Variants in BAIAP2L2 observed in about 807,000 individuals in gnomAD.
The protein encoded by BAIAP2L2 is BAR/IMD domain-containing adapter protein 2-like 2.
Under a neutral mutation model 60.4 loss-of-function variants are expected in BAIAP2L2, and 65 were observed. The ratio of observed to expected loss-of-function variants is 1.08; its 90% CI spans 0.88 to 1.32. The LOEUF (loss-of-function observed/expected upper bound fraction) is 1.32, where lower values mean the gene tolerates loss of function less well. Ranked by LOEUF, BAIAP2L2 falls within the 40% of genes most tolerant of loss-of-function variation. BAIAP2L2 has a pLI of 0.00. For synonymous variants in BAIAP2L2, 344 were observed against 301.7 expected (o/e 1.14, Z -1.45); for missense variants, 836 against 741.2 (o/e 1.13, Z -1.48).
At chr22:38,099,760 C>T (rs547074124) in intron 4 of BAIAP2L2, among the ~76,000 whole-genome samples, 1 of 152,174 alleles carries the variant, frequency 6.6e-6, no homozygotes, top group African/African-American at 2.4e-5. Flanking sequence ...GCGGACACGT[C>T]CTCCTCTGGA....
chr22:38,108,182 G>A (rs538371649), intron 3 of BAIAP2L2, 73 bp downstream of exon 3: 29 of 1,407,496 alleles, frequency 2.1e-5, no homozygotes, highest in South Asian at 8.6e-5. Context: ...TCAGGGACTC[G>A]GGACATCCTG....
At chr22:38,110,742 C>A, upstream of BAIAP2L2, 2 of 536,404 alleles carry the variant, frequency 3.7e-6, no homozygotes, top group East Asian at 3.3e-5. Context: ...TAACCAGATC[C>A]GGCAGGGAAG....
chr22:38,108,124 G>A (rs2086704825), intron 3 of BAIAP2L2, 131 bp downstream of exon 3: 1 of 1,007,906 alleles, frequency 9.9e-7, no homozygotes, highest in Non-Finnish European at 1.5e-6. Context: ...GGGAGCCTGG[G>A]CCCCAGAACA....
At chr22:38,110,091 G>GAGAC (rs2086788468) in intron 1 of BAIAP2L2, among the ~76,000 whole-genome samples, 1 of 5,008 alleles carries the variant, frequency 2.0e-4, no homozygotes, top group African/African-American at 5.3e-4. Flanking sequence ...GACAGAGAGA[G>GAGAC]AGAGAGACAG....
Position 38,089,616 on chromosome 22 carries a change from C to T in BAIAP2L2, c.671G>A (p.Arg224His). 7.3e-6 allele frequency: 9 copies of T among 1,233,818 alleles called. No homozygotes were observed. Among genetic ancestry groups the T allele is most frequent in the Admixed American group, 4.2e-5 (1 of 23,658 alleles). The allele number at this position is 1,233,818 out of a possible 1,614,324, so 76.4% of individuals were successfully genotyped here. ...GGGGGAGTGGGCGCGCGACGGGCTG[C>T]GGCTGGCCTCAGACTGCTCCTTCCA... is the stretch of plus-strand genomic sequence containing the variant. ...LLWKEQSEASRSPSRAHSPGL... is the reference protein window; with the variant it reads ...LLWKEQSEASHSPSRAHSPGL... The change falls in exon 8 of 14, where the codon CGC becomes CAC. Residue 224 changes from arginine to histidine, a missense_variant. Coordinates refer to ENST00000381669, the MANE Select transcript of BAIAP2L2 (RefSeq NM_025045.6).
chr22:38,104,496 C>CTT (rs35517234), intron 4 of BAIAP2L2, among the ~76,000 whole-genome samples: 20 of 137,418 alleles, frequency 1.5e-4, no homozygotes, highest in South Asian at 4.7e-4. Flanking sequence ...ACTCAAATTT[C>CTT]TTTTTTTTTT....
At chr22:38,110,892 C>T (rs1024371714), upstream of BAIAP2L2, among the ~76,000 whole-genome samples, 10 of 152,172 alleles carry the variant, frequency 6.6e-5, no homozygotes, top group Non-Finnish European at 1.5e-5. Flanking sequence ...TGGGGGGCCC[C>T]GCCCTCCCAC....
intron 7 of BAIAP2L2, 71 bp from the exon 8 acceptor site, chr22:38,089,745 AC>A (rs1382587710): frequency 1.7e-6 from 2 of 1,202,148 alleles, no homozygotes; most frequent in Non-Finnish European, 2.1e-6. Flanking sequence ...CCAAAATGAC[AC>A]CCTCGACCTG....
At chr22:38,102,216 G>A (rs925304399) in intron 4 of BAIAP2L2, among the ~76,000 whole-genome samples, 14 of 152,184 alleles carry the variant, frequency 9.2e-5, no homozygotes, top group African/African-American at 3.4e-4. Flanking sequence ...CCTCTAGGAA[G>A]TCTTGAAACT....
At chr22:38,098,240 C>G in intron 5 of BAIAP2L2, 61 bp from the exon 6 acceptor site, 1 of 1,565,378 alleles carries the variant, frequency 6.4e-7, no homozygotes, top group Non-Finnish European at 8.8e-7. Context: ...CAAGACACCC[C>G]TCCCAGAGAT....
chr22:38,109,117 C>A lies in BAIAP2L2; in HGVS notation c.127+16G>T. 1.9e-6 allele frequency: 3 copies of A among 1,605,804 alleles called. No homozygotes were observed. Among genetic ancestry groups the A allele is most frequent in the Non-Finnish European group, 2.6e-6 (3 of 1,174,488 alleles). ...AGGCCCAGGGCTGGGGCTCGGTGGC[C>A]CGGGCAGGCACTCACCGTGGAAGGC... On this transcript the variant is annotated intron_variant, in intron 2 of 13. Transcript: ENST00000381669.
intron 12 of BAIAP2L2, 115 bp downstream of exon 12, chr22:38,086,127 G>T: frequency 8.5e-7 from 1 of 1,181,146 alleles, no homozygotes; most frequent in Non-Finnish European, 1.2e-6. Flanking sequence ...AACAGACTGA[G>T]TGAGGCCAGG....
intron 1 of BAIAP2L2, 142 bp downstream of exon 1, chr22:38,110,333 C>T (rs2086816365): frequency 1.2e-6 from 1 of 824,270 alleles, no homozygotes; most frequent in African/African-American, 1.7e-5. Flanking sequence ...ACCCCCGTAC[C>T]CACCCCTGGC....
In BAIAP2L2 at chr22:38,089,101, G is replaced by C; in HGVS notation, c.896C>G (p.Ser299Trp). ...PDRRSLPRTP[S>W]ASSLYSGSAQ... ...CCCGGGGCGGGGGCACTCACAGGCC[G>C]ACGGCGTGCGGGGCAGGGAGCGACG... Residue 299 changes from serine to tryptophan, a missense_variant, in exon 9 of 14, where the codon TCG becomes TGG. Coordinates refer to ENST00000381669, the MANE Select transcript of BAIAP2L2 (RefSeq NM_025045.6). 7.3e-7 allele frequency: 1 copy of C among 1,377,348 alleles called. No individual in the cohort carries two copies. Among genetic ancestry groups the C allele is most frequent in the Non-Finnish European group, 9.3e-7 (1 of 1,071,680 alleles). 85.3% of individuals were successfully genotyped at this position (1,377,348 alleles called of 1,614,324 possible). A position where few individuals can be genotyped will look rare whatever the true frequency, so the allele number is the denominator to read the frequency against.
At position 38,088,825 on chromosome 22, in the gene BAIAP2L2, G is replaced by A. The variant is rs757355982; in HGVS notation, c.1041C>T (p.Ser347=). 3.7e-6 allele frequency: 6 copies of A among 1,600,536 alleles called. No individual in the cohort carries two copies. Among genetic ancestry groups the A allele is most frequent in the East Asian group, 2.2e-5 (1 of 44,858 alleles). ...EGANHTLLRF[S]AGDVVEVLVP... Reference sequence around the variant, plus strand: ...CCAACACCTCCACCACGTCCCCAGCGGAGAAGCGCAGCAGCGTGTGGTTGG... The same window carrying A: ...CCAACACCTCCACCACGTCCCCAGCAGAGAAGCGCAGCAGCGTGTGGTTGG... Residue 347 remains serine (S), a synonymous_variant, in exon 10 of 14, where the codon TCC becomes TCT. Transcript: ENST00000381669.
intron 1 of BAIAP2L2, among the ~76,000 whole-genome samples, chr22:38,109,597 C>G (rs553897694): frequency 6.6e-6 from 1 of 152,296 alleles, no homozygotes; most frequent in Admixed American, 6.5e-5. Context: ...CAGGCCTTGC[C>G]GGGCTACACG....
chr22:38,089,730 G>A (rs2086234986), intron 7 of BAIAP2L2, 56 bp from the exon 8 acceptor site: 2 of 1,221,494 alleles, frequency 1.6e-6, no homozygotes, highest in Admixed American at 4.3e-5. Flanking sequence ...CTGAATCCTG[G>A]GGACCCAAAA....
chr22:38,088,648 G>T (rs2086173064), intron 10 of BAIAP2L2, 100 bp downstream of exon 10: 5 of 1,240,464 alleles, frequency 4.0e-6, no homozygotes, highest in East Asian at 2.7e-5. Context: ...GAGGCCCCCG[G>T]GGGAGGCCAG....
chr22:38,097,487 TAATGAGAATATG>T (rs2086464680), intron 6 of BAIAP2L2, among the ~76,000 whole-genome samples: 2 of 152,144 alleles, frequency 1.3e-5, no homozygotes, highest in Non-Finnish European at 2.9e-5. Flanking sequence ...GGGACGGGTT[TAATGAGAATATG>T]AATGAGTAGG....
Sources: allele counts gnomAD v4.1 joint callset (sites outside exome capture counted in the v4.1 genomes callset), GRCh38; gene constraint gnomAD v4.1.1; transcripts MANE v1.5; gene names NCBI Gene and HGNC (gene_info 2026-07-23, HGNC 2026-07-21).